The following VAT1L variants were observed in gnomAD, a reference collection of about 807,000 sequenced individuals.
The protein encoded by VAT1L is putative NADPH-dependent quinone oxidoreductase VAT1L.
A neutral mutation model predicts 44.1 loss-of-function variants in VAT1L; 34 were observed. The ratio of observed to expected loss-of-function variants is 0.77; its 90% CI spans 0.59 to 1.03. The LOEUF (loss-of-function observed/expected upper bound fraction) is 1.03, where lower values mean the gene tolerates loss of function less well. Among genes scored for constraint, VAT1L ranks in the 50% least tolerant of loss-of-function variants. The pLI is 0.00. For missense variants in VAT1L, 615 were observed against 538.8 expected (o/e 1.14, Z -1.40); for synonymous variants, 253 against 202.2 (o/e 1.25, Z -2.13).
At position 77,910,455 on chromosome 16, in the gene VAT1L, A is replaced by G. The variant is rs571691492; in HGVS notation, c.1077+25653A>G. The stretch of plus-strand genomic sequence containing the variant: ...TGGGAGGCCGAGGCGGGCGAATCAC[A>G]AGGTCAGGAGATCGAGACCATCCTG... On this transcript the variant is annotated intron_variant, in intron 7 of 8. Transcript: ENST00000302536. Among the ~76,000 whole-genome samples, 10 of 152,096 alleles carry G rather than the reference A, an allele frequency of 6.6e-5. 1 individual carries two copies. Among genetic ancestry groups the G allele is most frequent in the Middle Eastern group, 3.4e-3 (1 of 294 alleles).
Position 77,890,016 on chromosome 16 carries a change from G to A in VAT1L, c.1077+5214G>A, listed in dbSNP as rs542685137. ...GCAGGAGAATCGCTTGAACCCGGGA[G>A]GTGGAGGTTGTAGTGTGCCAAGATT... On this transcript the variant is annotated intron_variant, in intron 7 of 8. Transcript: ENST00000302536. Among the ~76,000 whole-genome samples the A allele has an allele frequency of 3.3e-5, 5 of 152,292 alleles. No individual in the cohort carries two copies. In the South Asian group the frequency reaches 6.2e-4, roughly 19 times the overall value.
intron 7 of VAT1L, among the ~76,000 whole-genome samples, chr16:77,954,871 T>C (rs1255581823): frequency 6.6e-6 from 1 of 152,222 alleles, no homozygotes; most frequent in Non-Finnish European, 1.5e-5. Flanking sequence ...GTGAGGCCAA[T>C]ACATCACTTT....
chr16:77,903,680 C>G (rs148554981), intron 7 of VAT1L, among the ~76,000 whole-genome samples: 2 of 149,972 alleles, frequency 1.3e-5, no homozygotes, highest in African/African-American at 4.9e-5. Context: ...TTCAATGCCA[C>G]GTGATTTTAA....
At chr16:77,816,734 T>C (rs753440747) in intron 1 of VAT1L, among the ~76,000 whole-genome samples, 187 bp from the exon 2 acceptor site, 2 of 152,002 alleles carry the variant, frequency 1.3e-5, no homozygotes, top group East Asian at 1.9e-4. Context: ...TTTTGCATTA[T>C]TGGTGACATC....
At chr16:77,926,140 C>A (rs1250287922) in intron 7 of VAT1L, among the ~76,000 whole-genome samples, 3 of 151,454 alleles carry the variant, frequency 2.0e-5, no homozygotes, top group African/African-American at 7.3e-5. Flanking sequence ...GTAGTCCCAG[C>A]TACTCAGGAG....
intron 7 of VAT1L, among the ~76,000 whole-genome samples, chr16:77,915,864 A>G (rs1330477695): frequency 3.3e-5 from 5 of 152,172 alleles, no homozygotes; most frequent in Non-Finnish European, 5.9e-5. Context: ...GGAAAGTTAG[A>G]CGAGGAAGGG....
intron 7 of VAT1L, among the ~76,000 whole-genome samples, chr16:77,942,845 A>T (rs967216995): frequency 1.3e-5 from 2 of 151,782 alleles, no homozygotes; most frequent in Non-Finnish European, 2.9e-5. Flanking sequence ...CCCGGGTTCA[A>T]GCGATTATCT....
chr16:77,887,454 G>A lies in VAT1L; in HGVS notation c.1077+2652G>A, dbSNP rs2017220369. On this transcript the variant is annotated intron_variant, in intron 7 of 8. Coordinates refer to ENST00000302536, the MANE Select transcript of VAT1L (RefSeq NM_020927.3). ...AGATCTCATTCCAGCTAAGGAATAG[G>A]AAAAGCATGCTAACTACAGACCAGG... Among the ~76,000 whole-genome samples, 3 of 152,292 alleles carry A rather than the reference G, an allele frequency of 2.0e-5. No individual in the cohort carries two copies. In the South Asian group the frequency reaches 6.2e-4, roughly 32 times the overall value.
At chr16:77,833,356 G>C (rs2016601532) in intron 3 of VAT1L, among the ~76,000 whole-genome samples, 1 of 152,176 alleles carries the variant, frequency 6.6e-6, no homozygotes, top group African/African-American at 2.4e-5. Context: ...GGAGGTGAGG[G>C]GTGGAATCAG....
At chr16:77,826,374 T>C (rs978328249) in intron 3 of VAT1L, among the ~76,000 whole-genome samples, 1 of 152,222 alleles carries the variant, frequency 6.6e-6, no homozygotes, top group African/African-American at 2.4e-5. Context: ...TAAATTGCAG[T>C]GGACTTGAGA....
At chr16:77,806,279 G>A (rs765535220) in intron 1 of VAT1L, among the ~76,000 whole-genome samples, 7 of 150,556 alleles carry the variant, frequency 4.6e-5, no homozygotes, top group South Asian at 2.1e-4. Context: ...GCAAGATCTC[G>A]GCTCATTGCA....
chr16:77,861,321 T>A (rs117324864), intron 3 of VAT1L, among the ~76,000 whole-genome samples: 1 of 152,318 alleles, frequency 6.6e-6, no homozygotes, highest in East Asian at 1.9e-4. Flanking sequence ...ACCAGAAAAC[T>A]GGGTTTTACT....
chr16:77,959,617 T>C (rs888033890), intron 7 of VAT1L, among the ~76,000 whole-genome samples: 1 of 152,202 alleles, frequency 6.6e-6, no homozygotes, highest in African/African-American at 2.4e-5. Flanking sequence ...TTATCATTCA[T>C]AGCATAAGCC....
intron 7 of VAT1L, among the ~76,000 whole-genome samples, chr16:77,918,082 T>TC (rs2017569705): frequency 6.6e-6 from 1 of 152,146 alleles, no homozygotes; most frequent in Non-Finnish European, 1.5e-5. Flanking sequence ...GAATTCCATA[T>TC]CCAATAAATG....
rs1333627117 is a variant in VAT1L at position 77,979,802 on chromosome 16, G to A, written c.*2107G>A. 1 of 152,654 alleles carries A rather than the reference G, an allele frequency of 6.6e-6. No individual in the cohort carries two copies. The highest frequency in any genetic ancestry group is 2.4e-5 in the African/African-American group (1 of 41,460). The allele number at this position is 152,654 out of a possible 1,614,324, so 9.5% of individuals were successfully genotyped here. On this transcript the variant is annotated 3_prime_UTR_variant, in exon 9 of 9. Transcript: ENST00000302536. The stretch of plus-strand genomic sequence containing the variant: ...CAGAATACAGAACGAGAAAACTAGA[G>A]TTTGACCAATAAGACCAATTTCTGC...
intron 7 of VAT1L, among the ~76,000 whole-genome samples, chr16:77,908,369 G>T (rs1487707714): frequency 6.7e-6 from 1 of 149,534 alleles, no homozygotes; most frequent in Non-Finnish European, 1.5e-5. Flanking sequence ...GGCTGAGGCA[G>T]GAGAATCTTG....
intron 7 of VAT1L, among the ~76,000 whole-genome samples, chr16:77,894,705 A>G (rs11150023): frequency 0.9 from 136,961 of 152,192 alleles, 62,097 homozygotes; most frequent in Non-Finnish European, 0.95. Flanking sequence ...TGAATTGTAT[A>G]GCATATGAAT....
chr16:77,937,351 C>T (rs1597108369), intron 7 of VAT1L, among the ~76,000 whole-genome samples: 2 of 152,184 alleles, frequency 1.3e-5, no homozygotes, highest in African/African-American at 2.4e-5. Context: ...AGTGAGCCGC[C>T]GTTGCCCACT....
chr16:77,813,924 G>A (rs1007396648), intron 1 of VAT1L, among the ~76,000 whole-genome samples: 2 of 152,208 alleles, frequency 1.3e-5, no homozygotes, highest in African/African-American at 4.8e-5. Context: ...GCTCTTGTAT[G>A]GGCAAGGGCG....
Sources: allele counts gnomAD v4.1 joint callset (sites outside exome capture counted in the v4.1 genomes callset), GRCh38; gene constraint gnomAD v4.1.1; transcripts MANE v1.5; gene names NCBI Gene and HGNC (gene_info 2026-07-23, HGNC 2026-07-21).